KLHDC1: variants seen among roughly 807,000 people sequenced by gnomAD.
KLHDC1 encodes kelch domain-containing protein 1.
Under a neutral mutation model 68.3 loss-of-function variants are expected in KLHDC1, and 53 were observed. The observed-to-expected ratio is 0.78, with a 90% CI of 0.62 to 0.98. The LOEUF is 0.98. Among genes scored for constraint, KLHDC1 ranks in the 50% least tolerant of loss-of-function variants. KLHDC1 has a pLI of 0.00. For missense variants in KLHDC1, 470 were observed against 492.3 expected (o/e 0.95, Z 0.43); for synonymous variants, 148 against 159.0 (o/e 0.93, Z 0.52).
chr14:49,743,933 C>A, intron 12 of KLHDC1, 128 bp downstream of exon 12: 2 of 581,014 alleles, frequency 3.4e-6, no homozygotes, highest in South Asian at 2.3e-5. Flanking sequence ...TTCACATCTT[C>A]CTAAGAGTAT....
intron 1 of KLHDC1, 43 bp downstream of exon 1, chr14:49,693,333 C>A (rs766772414): frequency 7.5e-7 from 1 of 1,327,466 alleles, no homozygotes; most frequent in Non-Finnish European, 9.9e-7. Flanking sequence ...CGCCGGGAGA[C>A]CCTCGGCCTG....
intron 1 of KLHDC1, among the ~76,000 whole-genome samples, chr14:49,699,157 G>T: frequency 1.6e-5 from 1 of 64,050 alleles, no homozygotes; most frequent in Non-Finnish European, 3.2e-5. Flanking sequence ...GAGCAAGACT[G>T]TCTCAAAAAA....
chr14:49,721,930 C>T (rs1888535772), intron 4 of KLHDC1, among the ~76,000 whole-genome samples: 2 of 152,158 alleles, frequency 1.3e-5, no homozygotes, highest in African/African-American at 4.8e-5. Context: ...AAATATTTGG[C>T]ATGCCCCTGA....
At chr14:49,723,115 GAA>G (rs1352025146) in intron 4 of KLHDC1, among the ~76,000 whole-genome samples, 2 of 105,644 alleles carry the variant, frequency 1.9e-5, no homozygotes, top group African/African-American at 7.5e-5. Context: ...AAAAAAAAAA[GAA>G]GAGAAAACCA....
At chr14:49,751,504 A>G in intron 12 of KLHDC1, 82 bp from the exon 13 acceptor site, 1 of 690,922 alleles carries the variant, frequency 1.4e-6, no homozygotes, top group Non-Finnish European at 2.1e-6. Flanking sequence ...CAATGTTAAA[A>G]AAGAAAGAAT....
chr14:49,693,384 GC>G, intron 1 of KLHDC1, 94 bp downstream of exon 1: 1 of 946,226 alleles, frequency 1.1e-6, no homozygotes. Flanking sequence ...CGAGGCTGCG[GC>G]CCAGGCCTGG....
intron 12 of KLHDC1, among the ~76,000 whole-genome samples, chr14:49,750,054 C>T (rs1889288865): frequency 6.6e-6 from 1 of 152,012 alleles, no homozygotes; most frequent in South Asian, 2.1e-4. Flanking sequence ...AGAAAGACTC[C>T]ATCTCAGGAA....
chr14:49,732,412 A>G (rs1029714372), intron 8 of KLHDC1, among the ~76,000 whole-genome samples: 1 of 152,122 alleles, frequency 6.6e-6, no homozygotes, highest in African/African-American at 2.4e-5. Context: ...AGTTCAGGCA[A>G]TCCACCCGCC....
rs1168439082 is a variant in KLHDC1, at chr14:49,715,739, C to CA, written c.404+5385dup. ...CAGCCTGGGTGACAAGACTCTGTCT[C>CA]AAAAAAAAAAAAAAAAAAAAAAAAA... On this transcript the variant is annotated intron_variant, in intron 4 of 12. Coordinates refer to ENST00000359332, the MANE Select transcript of KLHDC1 (RefSeq NM_172193.3). Among the ~76,000 whole-genome samples, 8 of 54,906 alleles carry CA rather than the reference C, an allele frequency of 1.5e-4. 1 individual carries two copies. The highest frequency in any genetic ancestry group is 6.3e-4 in the African/African-American group (8 of 12,758). The allele number at this position is 54,906 out of a possible 152,430, so 36.0% of individuals were successfully genotyped here.
intron 4 of KLHDC1, among the ~76,000 whole-genome samples, chr14:49,722,277 C>T (rs1035181648): frequency 1.3e-5 from 2 of 152,210 alleles, no homozygotes; most frequent in African/African-American, 4.8e-5. Flanking sequence ...TCCCCGACCC[C>T]ATGACAGGCC....
intron 12 of KLHDC1, among the ~76,000 whole-genome samples, chr14:49,744,831 G>A (rs1284453525): frequency 1.3e-5 from 2 of 152,076 alleles, no homozygotes; most frequent in African/African-American, 2.4e-5. Flanking sequence ...AGATACAGGG[G>A]GCTGACTGTA....
At chr14:49,727,307 C>T (rs1235793895) in intron 6 of KLHDC1, among the ~76,000 whole-genome samples, 2 of 151,966 alleles carry the variant, frequency 1.3e-5, no homozygotes, top group African/African-American at 2.4e-5. Context: ...GGGCATGTTC[C>T]TACCCTTTAC....
At chr14:49,717,325 C>G (rs1190075307) in intron 4 of KLHDC1, among the ~76,000 whole-genome samples, 2 of 152,164 alleles carry the variant, frequency 1.3e-5, no homozygotes, top group African/African-American at 4.8e-5. Flanking sequence ...TATATTCCCA[C>G]CAGCAAGGAA....
intron 10 of KLHDC1, among the ~76,000 whole-genome samples, chr14:49,738,623 C>G (rs1161171419): frequency 6.6e-6 from 1 of 152,174 alleles, no homozygotes; most frequent in South Asian, 2.1e-4. Flanking sequence ...GATGGGATTA[C>G]AGGCTTGAGC....
At chr14:49,735,981 C>T (rs541029175) in intron 10 of KLHDC1, among the ~76,000 whole-genome samples, 1 of 152,052 alleles carries the variant, frequency 6.6e-6, no homozygotes, top group Non-Finnish European at 1.5e-5. Context: ...TGCCACTGCA[C>T]TCCAGCCTGG....
intron 9 of KLHDC1, among the ~76,000 whole-genome samples, chr14:49,733,430 CTTTTT>C (rs763516095): frequency 1.4e-5 from 2 of 138,710 alleles, no homozygotes. Flanking sequence ...ATTTTCTTTT[CTTTTT>C]TTTTTTTTTT....
intron 4 of KLHDC1, among the ~76,000 whole-genome samples, chr14:49,722,962 C>T (rs1325294622): frequency 6.6e-6 from 1 of 151,872 alleles, no homozygotes; most frequent in Non-Finnish European, 1.5e-5. Context: ...TGGCAGGCGC[C>T]TGTAATCCCA....
rs1888394585 is a variant in KLHDC1 at position 49,716,973 on chromosome 14, ATGTT to A, written c.404+6597_404+6600del. Among the ~76,000 whole-genome samples, 4 of 152,248 alleles carry A rather than the reference ATGTT, an allele frequency of 2.6e-5. No homozygotes were observed. The South Asian group carries it at 6.2e-4, about 24-fold the overall frequency. The stretch of plus-strand genomic sequence containing the variant: ...TATTTCATAAAAATTGAATCATAAA[ATGTT>A]TGTTCTTTTTGTCTGCCTTATTTCA... On this transcript the variant is annotated intron_variant, in intron 4 of 12. Coordinates refer to ENST00000359332, the MANE Select transcript of KLHDC1 (RefSeq NM_172193.3).
chr14:49,750,409 G>C (rs578121982), intron 12 of KLHDC1, among the ~76,000 whole-genome samples: 52 of 152,240 alleles, frequency 3.4e-4, no homozygotes, highest in Non-Finnish European at 7.1e-4. Flanking sequence ...GTTTCCCCTG[G>C]CTTGCTAAGG....
Sources: gnomAD v4.1 joint callset for allele counts (sites outside exome capture counted in the v4.1 genomes callset) on GRCh38, gnomAD v4.1.1 for gene constraint, MANE v1.5 for transcripts, NCBI Gene and HGNC (gene_info 2026-07-23, HGNC 2026-07-21) for gene names.